Variants in SH2D5 observed in about 807,000 individuals in gnomAD.
The protein encoded by SH2D5 is SH2 domain-containing protein 5.
A neutral mutation model predicts 48.2 loss-of-function variants in SH2D5; 45 were observed. That is an observed-to-expected ratio of 0.93 (90% CI 0.73 to 1.20). SH2D5 has a LOEUF of 1.20. SH2D5 is among the 50% of genes most tolerant of loss of function. SH2D5 has a pLI of 0.00. For missense variants in SH2D5, 538 were observed against 584.1 expected (o/e 0.92, Z 0.81); for synonymous variants, 230 against 249.8 (o/e 0.92, Z 0.75).
Position 20,724,393 on chromosome 1 carries a change from T to G in SH2D5, c.630+3A>C. ...CCCACTCCTTGGCTGGGGTGCTGCG[T>G]ACCCCACTGCCCACCAGCCCCTCTG... On this transcript the variant is annotated splice_donor_region_variant and intron_variant, in intron 6 of 9. Coordinates refer to ENST00000444387, the MANE Select transcript of SH2D5 (RefSeq NM_001103161.2). 1 of 1,612,416 alleles carries G rather than the reference T, an allele frequency of 6.2e-7. No homozygotes were observed. The highest frequency in any genetic ancestry group is 8.5e-7 in the Non-Finnish European group (1 of 1,179,768).
rs1167236402 is a variant in SH2D5 at position 20,721,875 on chromosome 1, A to G, written c.1189T>C (p.Cys397Arg). The G allele has an allele frequency of 1.9e-6, 3 of 1,612,984 alleles. No individual in the cohort carries two copies. The highest frequency in any genetic ancestry group is 1.7e-5 in the Admixed American group (1 of 60,014). ...RLNPTYEEQD[C>R]GPPGRPPRTL... ...CGGGGCGGCCTGCCTGGGGGCCCACAGTCCTGCTCCTCGTAGGTGGGGTTC... is the reference window on the plus strand; with the variant it reads ...CGGGGCGGCCTGCCTGGGGGCCCACGGTCCTGCTCCTCGTAGGTGGGGTTC... The change falls in exon 10 of 10, where the codon TGT becomes CGT. Residue 397 changes from cysteine (C) to arginine (R), a missense_variant. Coordinates refer to ENST00000444387, the MANE Select transcript of SH2D5 (RefSeq NM_001103161.2).
In SH2D5 at chr1:20,721,763, C is replaced by T. The variant is rs1225675906; in HGVS notation, c.*29G>A. On this transcript the variant is annotated 3_prime_UTR_variant, in exon 10 of 10. Coordinates refer to ENST00000444387, the MANE Select transcript of SH2D5 (RefSeq NM_001103161.2). ...CTGGGGCCCAGGAGCCGGGGTGAGGCGGGGCCTGTGGGACCGGGGCCCTAC... is the reference window on the plus strand; with the variant it reads ...CTGGGGCCCAGGAGCCGGGGTGAGGTGGGGCCTGTGGGACCGGGGCCCTAC... 13 of 1,487,486 alleles carry T rather than the reference C, an allele frequency of 8.7e-6. No homozygotes were observed. The highest frequency in any genetic ancestry group is 4.2e-5 in the African/African-American group (3 of 71,858). 92.1% of individuals were successfully genotyped at this position (1,487,486 alleles called of 1,614,324 possible).
chr1:20,723,062 TC>T, intron 8 of SH2D5, 147 bp from the exon 9 acceptor site: 1 of 735,106 alleles, frequency 1.4e-6, no homozygotes, highest in Non-Finnish European at 2.0e-6. Context: ...ATGCCTGTAA[TC>T]CCAGCACTTT....
At position 20,721,635 on chromosome 1, in the gene SH2D5, G is replaced by A. The variant is rs1261989595; in HGVS notation, c.*157C>T. 3 of 648,682 alleles carry A rather than the reference G, an allele frequency of 4.6e-6. No individual in the cohort carries two copies. The highest frequency in any genetic ancestry group is 7.4e-6 in the Non-Finnish European group (3 of 405,516). 40.2% of individuals were successfully genotyped at this position (648,682 alleles called of 1,614,324 possible). On this transcript the variant is annotated 3_prime_UTR_variant, in exon 10 of 10. Coordinates refer to ENST00000444387, the MANE Select transcript of SH2D5 (RefSeq NM_001103161.2). ...AGCCATTGGCGATACCCACCCTCAG[G>A]GCTCCCCTCCCACGGACAGTGACGC...
Position 20,722,005 on chromosome 1 carries a change from G to A in SH2D5, c.1069-10C>T. 1 of 1,611,088 alleles carries A rather than the reference G, an allele frequency of 6.2e-7. No individual in the cohort carries two copies. The highest frequency in any genetic ancestry group is 8.5e-7 in the Non-Finnish European group (1 of 1,178,858). ...ACTCTGCCGGCAGGTGCTAGGGGAG[G>A]AAGGGACTTCAGCTCCAGTCCCCTT... On this transcript the variant is annotated splice_polypyrimidine_tract_variant and intron_variant, in intron 9 of 9. Transcript: ENST00000444387.
At chr1:20,723,499 C>T (rs563294023) in intron 8 of SH2D5, 127 bp downstream of exon 8, 1 of 676,850 alleles carries the variant, frequency 1.5e-6, no homozygotes, top group South Asian at 1.9e-5. Flanking sequence ...AGTCCCAGGC[C>T]TGAGGTCACT....
At position 20,721,635 on chromosome 1, in the gene SH2D5, G is replaced by T; in HGVS notation, c.*157C>A. The T allele has an allele frequency of 1.5e-6, 1 of 648,800 alleles. No homozygotes were observed. Among genetic ancestry groups the T allele is most frequent in the Non-Finnish European group, 2.5e-6 (1 of 405,508 alleles). The allele number at this position is 648,800 out of a possible 1,614,324, so 40.2% of individuals were successfully genotyped here. A position where few individuals can be genotyped will look rare whatever the true frequency, so the allele number is the denominator to read the frequency against. On this transcript the variant is annotated 3_prime_UTR_variant, in exon 10 of 10. Transcript: ENST00000444387. The stretch of plus-strand genomic sequence containing the variant: ...AGCCATTGGCGATACCCACCCTCAG[G>T]GCTCCCCTCCCACGGACAGTGACGC...
Position 20,724,211 on chromosome 1 carries a change from C to T in SH2D5, c.671G>A (p.Arg224His), listed in dbSNP as rs374646771. 285 of 1,612,724 alleles carry T rather than the reference C, an allele frequency of 1.8e-4. No individual in the cohort carries two copies. The highest frequency in any genetic ancestry group is 2.3e-4 in the Non-Finnish European group (274 of 1,179,974). ...GGGCGAGCAGTAGGGATTCCCCAGG[C>T]GGGCATGGCGGGCACGGCCTTCCGA... Reference protein sequence around the residue: ...PESEGRARHARLGNPYCSPTL... With the variant: ...PESEGRARHAHLGNPYCSPTL... Residue 224 changes from arginine to histidine, a missense_variant, in exon 7 of 10, where the codon CGC becomes CAC. Physicochemically the swap from Arg to His is conservative, Grantham distance 29. Coordinates refer to ENST00000444387, the MANE Select transcript of SH2D5 (RefSeq NM_001103161.2).
At position 20,721,754 on chromosome 1, in the gene SH2D5, G is replaced by A. The variant is rs375580391; in HGVS notation, c.*38C>T. On this transcript the variant is annotated 3_prime_UTR_variant, in exon 10 of 10. Coordinates refer to ENST00000444387, the MANE Select transcript of SH2D5 (RefSeq NM_001103161.2). ...GAGATGCTGCTGGGGCCCAGGAGCCGGGGTGAGGCGGGGCCTGTGGGACCG... is the reference window on the plus strand; with the variant it reads ...GAGATGCTGCTGGGGCCCAGGAGCCAGGGTGAGGCGGGGCCTGTGGGACCG... 465 of 1,466,458 alleles carry A rather than the reference G, an allele frequency of 3.2e-4. 2 individuals are homozygous for A. The highest frequency in any genetic ancestry group is 3.5e-4 in the Non-Finnish European group (391 of 1,101,814). 90.8% of individuals were successfully genotyped at this position (1,466,458 alleles called of 1,614,324 possible).
At chr1:20,723,541 G>T in intron 8 of SH2D5, 85 bp downstream of exon 8, 1 of 1,055,996 alleles carries the variant, frequency 9.5e-7, no homozygotes, top group South Asian at 1.4e-5. Flanking sequence ...GTGCACGGGA[G>T]TGTGTGCCTC....
In SH2D5 at chr1:20,722,000, G is replaced by C; in HGVS notation, c.1069-5C>G. The C allele has an allele frequency of 6.2e-7, 1 of 1,611,482 alleles. No homozygotes were observed. The highest frequency in any genetic ancestry group is 1.1e-5 in the South Asian group (1 of 90,914). ...GGGGAACTCTGCCGGCAGGTGCTAG[G>C]GGAGGAAGGGACTTCAGCTCCAGTC... On this transcript the variant is annotated splice_region_variant and splice_polypyrimidine_tract_variant and intron_variant, in intron 9 of 9. Transcript: ENST00000444387.
At chr1:20,722,097 G>A (rs932722885) in intron 9 of SH2D5, 102 bp from the exon 10 acceptor site, 4 of 1,115,320 alleles carry the variant, frequency 3.6e-6, no homozygotes, top group Non-Finnish European at 2.6e-6. Flanking sequence ...GGAGAGCAGG[G>A]AACGGAGCCC....
rs1436832445 is a variant in SH2D5 at position 20,719,935 on chromosome 1, G to C, written c.*1857C>G. ...GATGTTAAAGTGCTTGGTGGAGACT[G>C]GTCCCTTCAGTGTGCTAAACATGGC... On this transcript the variant is annotated 3_prime_UTR_variant, in exon 10 of 10. Coordinates refer to ENST00000444387, the MANE Select transcript of SH2D5 (RefSeq NM_001103161.2). The C allele has an allele frequency of 6.6e-6, 1 of 152,190 alleles. No homozygotes were observed. Among genetic ancestry groups the C allele is most frequent in the Non-Finnish European group, 1.5e-5 (1 of 68,054 alleles). The allele number at this position is 152,190 out of a possible 1,614,324, so 9.4% of individuals were successfully genotyped here.
chr1:20,724,131 G>C lies in SH2D5; in HGVS notation c.751C>G (p.Arg251Gly). 6.2e-7 allele frequency: 1 copy of C among 1,612,956 alleles called. No individual in the cohort carries two copies. The highest frequency in any genetic ancestry group is 1.3e-5 in the African/African-American group (1 of 75,056). Reference protein sequence around the residue: ...RSKVIRSGAYRGCTYETQLQL... With the variant: ...RSKVIRSGAYGGCTYETQLQL... ...AGCTGGGTCTCATAGGTGCAGCCGC[G>C]GTAGGCCCCCGAGCGGATCACCTTG... Residue 251 changes from arginine (R) to glycine (G), a missense_variant, in exon 7 of 10, where the codon CGC becomes GGC. By Grantham distance (125) the Arg-to-Gly change is moderately radical. Coordinates refer to ENST00000444387, the MANE Select transcript of SH2D5 (RefSeq NM_001103161.2).
Position 20,723,671 on chromosome 1 carries a change from T to G in SH2D5, c.863A>C (p.Glu288Ala). ...CCAGATGTTCTCCGTCAGGCTGCCCTCGCTCTCCACCAGGCACGAGTGGCC... is the reference window on the plus strand; with the variant it reads ...CCAGATGTTCTCCGTCAGGCTGCCCGCGCTCTCCACCAGGCACGAGTGGCC... ...PGGHSCLVES[E>A]GSLTENIWAF... Residue 288 changes from glutamate (E) to alanine (A), a missense_variant, in exon 8 of 10, where the codon GAG (glutamate) becomes GCG (alanine). Physicochemically the swap from Glu to Ala is moderately radical, Grantham distance 107. Transcript: ENST00000444387. 5.0e-6 allele frequency: 8 copies of G among 1,612,998 alleles called. No individual in the cohort carries two copies. The highest frequency in any genetic ancestry group is 6.8e-6 in the Non-Finnish European group (8 of 1,179,956).
Position 20,727,683 on chromosome 1 carries a change from A to C in SH2D5, c.88-80T>G, listed in dbSNP as rs572297902. The C allele has an allele frequency of 3.6e-4, 456 of 1,283,616 alleles. 1 individual carries two copies. In the Middle Eastern group the frequency reaches 7.4e-3, roughly 21 times the overall value. 79.5% of individuals were successfully genotyped at this position (1,283,616 alleles called of 1,614,324 possible). ...AACCCCATCCTCCAAATTCCCCCCAAACACACATCTGCTCTGCCAGGCGTG... is the reference window on the plus strand; with the variant it reads ...AACCCCATCCTCCAAATTCCCCCCACACACACATCTGCTCTGCCAGGCGTG... On this transcript the variant is annotated intron_variant, in intron 2 of 9. Transcript: ENST00000444387.
At chr1:20,723,249 A>G (rs1176594666) in intron 8 of SH2D5, among the ~76,000 whole-genome samples, 1 of 152,222 alleles carries the variant, frequency 6.6e-6, no homozygotes, top group Admixed American at 6.5e-5. Context: ...AGTCTGGCTC[A>G]ACAGAAAGAA....
Position 20,728,660 on chromosome 1 carries a change from AG to A in SH2D5, c.-42-575del. Among the ~76,000 whole-genome samples, 1 of 152,238 alleles carries A rather than the reference AG, an allele frequency of 6.6e-6. No individual in the cohort carries two copies. The highest frequency in any genetic ancestry group is 2.4e-5 in the African/African-American group (1 of 41,464). ...TGCAAAGACACAAAGGAAGGCAGGC[AG>A]TGGGGGCCCGCAGGCCGACCTCAGC... On this transcript the variant is annotated intron_variant, in intron 1 of 9. Transcript: ENST00000444387. The surrounding 1 kb of genome is among the most constrained non-coding windows in gnomAD (Gnocchi z 4.3).
chr1:20,727,710 C>A, intron 2 of SH2D5, 107 bp from the exon 3 acceptor site: 1 of 1,111,272 alleles, frequency 9.0e-7, no homozygotes, highest in Non-Finnish European at 1.3e-6. Context: ...CCAGGCGTGT[C>A]TGTGGACAGA....
Sources: allele counts gnomAD v4.1 joint callset (sites outside exome capture counted in the v4.1 genomes callset), GRCh38; gene constraint gnomAD v4.1.1; non-coding constraint Gnocchi (gnomAD v3.1); transcripts MANE v1.5; gene names NCBI Gene and HGNC (gene_info 2026-07-23, HGNC 2026-07-21).